TLE4: variants seen among roughly 807,000 people sequenced by gnomAD.
The protein encoded by TLE4 is TLE family member 4, transcriptional corepressor, also known as transducin-like enhancer protein 4.
A neutral mutation model predicts 92.8 loss-of-function variants in TLE4; 8 were observed. The ratio of observed to expected loss-of-function variants is 0.09; its 90% CI spans 0.05 to 0.16. The LOEUF is 0.16. Ranked by LOEUF, TLE4 falls within the 10% of genes least tolerant of loss-of-function variation. The pLI, the probability that TLE4 is intolerant of heterozygous loss-of-function variation, is 1.00. For missense variants in TLE4, 675 were observed against 997.6 expected (o/e 0.68, Z 4.36); for synonymous variants, 371 against 374.1 (o/e 0.99, Z 0.10).
chr9:79,687,078 A>G (rs1191432354), intron 8 of TLE4, among the ~76,000 whole-genome samples: 1 of 152,222 alleles, frequency 6.6e-6, no homozygotes, highest in Non-Finnish European at 1.5e-5. Flanking sequence ...CTCACATTTC[A>G]CTGGGAAGAC....
In TLE4 at chr9:79,659,779, A is replaced by G. The variant is rs201622273; in HGVS notation, c.609+5704A>G. 4.6e-5 allele frequency among the ~76,000 whole-genome samples: 7 copies of G among 152,300 alleles called. No homozygotes were observed. In the East Asian group the frequency reaches 1.4e-3, roughly 29 times the overall value. ...AATCAGGGATACCACCTAATAAGGAAATAGAAGTACTTAATATATTTTTAA... is the reference window on the plus strand; with the variant it reads ...AATCAGGGATACCACCTAATAAGGAGATAGAAGTACTTAATATATTTTTAA... On this transcript the variant is annotated intron_variant, in intron 8 of 19. Transcript: ENST00000376552.
chr9:79,708,372 T>A, intron 12 of TLE4, 122 bp downstream of exon 12: 1 of 1,279,994 alleles, frequency 7.8e-7, no homozygotes, highest in Non-Finnish European at 1.1e-6. Context: ...TAGACAAAGT[T>A]ACTTAACCTG....
intron 6 of TLE4, among the ~76,000 whole-genome samples, chr9:79,632,479 G>T (rs1488956362): frequency 6.6e-6 from 1 of 152,140 alleles, no homozygotes; most frequent in African/African-American, 2.4e-5. Context: ...TTTCCCGGCA[G>T]ACACTTAGGA....
intron 8 of TLE4, chr9:79,671,410 T>C (rs1188834868): frequency 2.8e-6 from 1 of 351,522 alleles, no homozygotes; most frequent in East Asian, 7.6e-5. Flanking sequence ...CAGTTTACCG[T>C]TTTTGCAGAG....
chr9:79,593,590 TA>T (rs1359015258), intron 4 of TLE4, among the ~76,000 whole-genome samples: 1 of 152,186 alleles, frequency 6.6e-6, no homozygotes, highest in Non-Finnish European at 1.5e-5. Context: ...GTATTTTTGC[TA>T]AAAACATAAT....
intron 4 of TLE4, among the ~76,000 whole-genome samples, chr9:79,590,339 A>G (rs952013281): frequency 6.6e-5 from 10 of 151,982 alleles, no homozygotes; most frequent in African/African-American, 2.4e-4. Context: ...TTAAGCTTCC[A>G]CTCTTCTCTA....
At chr9:79,587,234 T>C (rs142173321) in intron 4 of TLE4, among the ~76,000 whole-genome samples, 1 of 152,338 alleles carries the variant, frequency 6.6e-6, no homozygotes, top group East Asian at 1.9e-4. Flanking sequence ...TCACATATTC[T>C]GAGTATCAGC....
chr9:79,645,217 C>CA (rs146306200), intron 6 of TLE4, among the ~76,000 whole-genome samples: 1,702 of 152,304 alleles, frequency 0.011, 39 homozygotes, highest in African/African-American at 0.038. Context: ...ATAGCAGGTT[C>CA]ACCTTGCACT....
intron 6 of TLE4, among the ~76,000 whole-genome samples, chr9:79,636,548 G>C (rs1247121888): frequency 6.6e-6 from 1 of 152,112 alleles, no homozygotes; most frequent in East Asian, 1.9e-4. Context: ...CAGCTTCTCT[G>C]TCCTCTGGAT....
chr9:79,647,539 A>G (rs1162575505), intron 6 of TLE4, among the ~76,000 whole-genome samples: 1 of 152,198 alleles, frequency 6.6e-6, no homozygotes, highest in African/African-American at 2.4e-5. Flanking sequence ...TTATAGTACA[A>G]GCAGCTTTTT....
At chr9:79,647,235 G>A (rs2058238250) in intron 6 of TLE4, among the ~76,000 whole-genome samples, 1 of 151,994 alleles carries the variant, frequency 6.6e-6, no homozygotes, top group Non-Finnish European at 1.5e-5. Flanking sequence ...GTGAAAGGTA[G>A]GTAAAGAATA....
At chr9:79,647,750 T>G (rs985912700) in intron 6 of TLE4, among the ~76,000 whole-genome samples, 1 of 152,100 alleles carries the variant, frequency 6.6e-6, no homozygotes, top group Non-Finnish European at 1.5e-5. Flanking sequence ...CACAGACTTG[T>G]GCACACACAC....
intron 4 of TLE4, among the ~76,000 whole-genome samples, chr9:79,603,697 T>C: frequency 6.6e-6 from 1 of 152,180 alleles, no homozygotes; most frequent in Non-Finnish European, 1.5e-5. Flanking sequence ...GTATCTCTTG[T>C]GTATGCCTGT....
chr9:79,587,987 A>G (rs1227158986), intron 4 of TLE4, among the ~76,000 whole-genome samples: 1 of 152,174 alleles, frequency 6.6e-6, no homozygotes, highest in Non-Finnish European at 1.5e-5. Context: ...AAGCTGAGAA[A>G]TTTGCCCAGG....
chr9:79,716,953 T>C (rs1485682062), intron 14 of TLE4, among the ~76,000 whole-genome samples: 1 of 152,224 alleles, frequency 6.6e-6, no homozygotes, highest in Non-Finnish European at 1.5e-5. Context: ...TCTTAGTAAA[T>C]TGTCATGTGA....
chr9:79,704,727 A>T (rs2071019917), intron 8 of TLE4, 56 bp from the exon 9 acceptor site: 1 of 1,569,508 alleles, frequency 6.4e-7, no homozygotes, highest in Middle Eastern at 1.7e-4. Context: ...CTTAAAAATC[A>T]CTCGGCTAAA....
At chr9:79,607,880 G>A (rs902248320) in intron 4 of TLE4, among the ~76,000 whole-genome samples, 14 of 151,928 alleles carry the variant, frequency 9.2e-5, no homozygotes, top group Non-Finnish European at 1.8e-4. Flanking sequence ...TTGGCAATGC[G>A]GGCTTTTTTT....
intron 8 of TLE4, among the ~76,000 whole-genome samples, chr9:79,687,053 T>G (rs1044388147): frequency 5.9e-5 from 9 of 152,258 alleles, no homozygotes; most frequent in African/African-American, 2.2e-4. Flanking sequence ...TGAATAAATT[T>G]CTGCCCACAT....
intron 16 of TLE4, 85 bp downstream of exon 16, chr9:79,720,378 GT>G (rs71979610): frequency 0.87 from 743,359 of 856,078 alleles, 318,072 homozygotes; most frequent in Non-Finnish European, 0.89. Flanking sequence ...ATAGGTATGG[GT>G]GTGTGTGTGT....
Sources: gnomAD v4.1 joint callset for allele counts (sites outside exome capture counted in the v4.1 genomes callset) on GRCh38, gnomAD v4.1.1 for gene constraint, MANE v1.5 for transcripts, NCBI Gene and HGNC (gene_info 2026-07-23, HGNC 2026-07-21) for gene names.